Variants in BDNF observed in about 807,000 individuals in gnomAD.
BDNF encodes brain derived neurotrophic factor, also known as neurotrophic factor BDNF precursor form.
BDNF carries 1 observed loss-of-function variant against 19.5 expected under a neutral mutation model. The ratio of observed to expected loss-of-function variants is 0.05; its 90% confidence interval spans 0.02 to 0.24. BDNF has a LOEUF of 0.24. Ranked by LOEUF, BDNF falls within the 10% of genes least tolerant of loss-of-function variation. BDNF has a pLI of 1.00. For synonymous variants in BDNF, 100 were observed against 121.6 expected, an observed-to-expected ratio of 0.82 and a Z score of 1.17; for missense variants, 195 against 317.6, an observed-to-expected ratio of 0.61 and a Z score of 2.93.
chr11:27,699,504 G>T (rs1279263714), intron 1 of BDNF: 1 of 1,613,120 alleles, frequency 6.2e-7, no homozygotes, highest in Non-Finnish European at 8.5e-7. Context: ...TTCAGAAGAG[G>T]GGCGCAGGAT....
Position 27,657,570 on chromosome 11 carries a change from C to T in BDNF, c.*251G>A, listed in dbSNP as rs555245845. ...TTTTTATGTTTTCAGTTCTTGGCAA[C>T]GGCAACAAACCACAACATTATCAAG... On this transcript the variant is annotated 3_prime_UTR_variant, in exon 2 of 2. Coordinates refer to ENST00000356660, the MANE Select transcript of BDNF (RefSeq NM_001709.5). The surrounding 1 kb of genome is among the most constrained non-coding windows in gnomAD (Gnocchi z 5.0). The T allele has an allele frequency of 3.4e-5, 43 of 1,250,184 alleles. No individual in the cohort carries two copies. The highest frequency in any genetic ancestry group is 2.9e-4 in the South Asian group (11 of 38,550). 77.4% of individuals were successfully genotyped at this position (1,250,184 alleles called of 1,614,324 possible).
At chr11:27,668,681 GACAC>G (rs1409609718) in intron 1 of BDNF, among the ~76,000 whole-genome samples, 8 of 152,124 alleles carry the variant, frequency 5.3e-5, no homozygotes, top group Non-Finnish European at 1.0e-4. Flanking sequence ...TAAATTCCTG[GACAC>G]ACACACCCTC....
intron 1 of BDNF, among the ~76,000 whole-genome samples, chr11:27,664,660 G>A (rs1854023497): frequency 6.6e-6 from 1 of 152,170 alleles, no homozygotes; most frequent in African/African-American, 2.4e-5. Flanking sequence ...GTGCACACCT[G>A]TAGTTTCAGC....
chr11:27,705,801 T>C (rs1029753220), intron 1 of BDNF, among the ~76,000 whole-genome samples: 3 of 152,356 alleles, frequency 2.0e-5, no homozygotes, highest in East Asian at 1.9e-4. Flanking sequence ...TTTCACTTCA[T>C]AGTTACAGTC....
chr11:27,705,253 T>C (rs2134096726), upstream of BDNF, among the ~76,000 whole-genome samples: 1 of 152,332 alleles, frequency 6.6e-6, no homozygotes, highest in East Asian at 1.9e-4. Flanking sequence ...AAGTTAGAGC[T>C]GACAGTAATA....
At chr11:27,719,839 C>T (rs1374779023) in intron 1 of BDNF, 1 of 200,036 alleles carries the variant, frequency 5.0e-6, no homozygotes, top group Non-Finnish European at 8.9e-6. Context: ...GCTGAAATTA[C>T]CTTGATTCAT....
In BDNF at chr11:27,658,996, T is replaced by C; in HGVS notation, c.-21-411A>G. 1 of 1,093,904 alleles carries C rather than the reference T, an allele frequency of 9.1e-7. No homozygotes were observed. The highest frequency in any genetic ancestry group is 4.5e-4 in the Middle Eastern group (1 of 2,234). The allele number at this position is 1,093,904 out of a possible 1,614,324, so 67.8% of individuals were successfully genotyped here. A position where few individuals can be genotyped will look rare whatever the true frequency, so the allele number is the denominator to read the frequency against. On this transcript the variant is annotated intron_variant, in intron 1 of 1. Transcript: ENST00000356660. This position sits in a 1 kb window ranked among gnomAD's most constrained non-coding sequence, Gnocchi z 5.7. Reference sequence around the variant, plus strand: ...TGCAAGTGTAATTAATAGTAATTTTTTTCAAGTTAGCAACATGGTCCTTTG... The same window carrying C: ...TGCAAGTGTAATTAATAGTAATTTTCTTCAAGTTAGCAACATGGTCCTTTG...
intron 1 of BDNF, among the ~76,000 whole-genome samples, chr11:27,681,271 G>T (rs573321037): frequency 5.9e-5 from 9 of 152,280 alleles, no homozygotes; most frequent in Middle Eastern, 3.4e-3. Flanking sequence ...ACAGGCTGGG[G>T]CTGCCTCATG....
chr11:27,678,785 C>T (rs1856504676), intron 1 of BDNF, among the ~76,000 whole-genome samples: 1 of 152,068 alleles, frequency 6.6e-6, no homozygotes, highest in South Asian at 2.1e-4. Context: ...AATGAAAAAC[C>T]ATTCTTTAAA....
chr11:27,657,334 T>G lies in BDNF; in HGVS notation c.*487A>C, dbSNP rs1041353439. On this transcript the variant is annotated 3_prime_UTR_variant, in exon 2 of 2. Coordinates refer to ENST00000356660, the MANE Select transcript of BDNF (RefSeq NM_001709.5). The surrounding 1 kb of genome is among the most constrained non-coding windows in gnomAD (Gnocchi z 5.0). ...AGCAATGACAACAGCACCTTGACAT[T>G]GTTTTAATTCCAACGCTATCAGAAG... is the stretch of plus-strand genomic sequence containing the variant. The G allele has an allele frequency of 1.7e-5, 17 of 995,470 alleles. No individual in the cohort carries two copies. Among genetic ancestry groups the G allele is most frequent in the Non-Finnish European group, 2.0e-5 (17 of 835,652 alleles). The allele number at this position is 995,470 out of a possible 1,614,324, so 61.7% of individuals were successfully genotyped here. A position where few individuals can be genotyped will look rare whatever the true frequency, so the allele number is the denominator to read the frequency against.
chr11:27,669,510 A>G (rs1323119474), intron 1 of BDNF, among the ~76,000 whole-genome samples: 3 of 152,218 alleles, frequency 2.0e-5, no homozygotes, highest in Non-Finnish European at 4.4e-5. Context: ...AGAAAACCCC[A>G]TCATCTCAGC....
rs1852687359 is a variant in BDNF at position 27,657,236 on chromosome 11, A to G, written c.*585T>C. The G allele has an allele frequency of 1.0e-6, 1 of 986,118 alleles. No homozygotes were observed. Among genetic ancestry groups the G allele is most frequent in the Admixed American group, 6.0e-5 (1 of 16,662 alleles). The allele number at this position is 986,118 out of a possible 1,614,324, so 61.1% of individuals were successfully genotyped here. A position where few individuals can be genotyped will look rare whatever the true frequency, so the allele number is the denominator to read the frequency against. On this transcript the variant is annotated 3_prime_UTR_variant, in exon 2 of 2. Coordinates refer to ENST00000356660, the MANE Select transcript of BDNF (RefSeq NM_001709.5). The surrounding 1 kb of genome is among the most constrained non-coding windows in gnomAD (Gnocchi z 5.0). ...TACTCCCTGTGGGAACTAAAAAACA[A>G]AACAAACAAACGAAAAAAAAACACA...
rs547314136 is a variant in BDNF, at chr11:27,656,823, A to G, written c.*998T>C. On this transcript the variant is annotated 3_prime_UTR_variant, in exon 2 of 2. Coordinates refer to ENST00000356660, the MANE Select transcript of BDNF (RefSeq NM_001709.5). Reference sequence around the variant, plus strand: ...TTGTTTTCTGTTCTAAAAAAAAATCACTGTTCTCCATGCTTATACGAGTGT... The same window carrying G: ...TTGTTTTCTGTTCTAAAAAAAAATCGCTGTTCTCCATGCTTATACGAGTGT... 4.0e-5 allele frequency: 39 copies of G among 985,326 alleles called. No individual in the cohort carries two copies. Among genetic ancestry groups the G allele is most frequent in the Non-Finnish European group, 3.7e-5 (31 of 829,920 alleles). The allele number at this position is 985,326 out of a possible 1,614,324, so 61.0% of individuals were successfully genotyped here.
chr11:27,714,411 A>G (rs1287475029), intron 1 of BDNF, among the ~76,000 whole-genome samples: 1 of 152,200 alleles, frequency 6.6e-6, no homozygotes, highest in Non-Finnish European at 1.5e-5. Context: ...TTAAAAGGAA[A>G]TGACCTGAAA....
At chr11:27,719,865 G>A (rs1326854938) in intron 1 of BDNF, 1 of 174,814 alleles carries the variant, frequency 5.7e-6, no homozygotes, top group Non-Finnish European at 1.1e-5. Context: ...TGTGTTGGAG[G>A]TTTAGCTTTA....
At chr11:27,676,978 A>G (rs141114699) in intron 1 of BDNF, 60 of 152,352 alleles carry the variant, frequency 3.9e-4, no homozygotes, top group African/African-American at 1.4e-3. Flanking sequence ...ACTTTCTGCT[A>G]CAGGAAATTC....
At chr11:27,660,249 C>A (rs1853239522) in intron 1 of BDNF, 2 of 1,247,208 alleles carry the variant, frequency 1.6e-6, no homozygotes, top group African/African-American at 1.6e-5. Context: ...CATTTTCAAC[C>A]ACTAAGAGAC....
At chr11:27,712,892 G>C (rs1191222581) in intron 1 of BDNF, among the ~76,000 whole-genome samples, 1 of 148,654 alleles carries the variant, frequency 6.7e-6, no homozygotes, top group Non-Finnish European at 1.5e-5. Flanking sequence ...TGGCATGAAA[G>C]TCATTACAGT....
chr11:27,699,517 G>A, intron 1 of BDNF: 4 of 1,610,328 alleles, frequency 2.5e-6, no homozygotes, highest in Non-Finnish European at 2.5e-6. Context: ...CGCAGGATGG[G>A]TAGAGATGTG....
Sources: gnomAD v4.1 joint callset for allele counts (sites outside exome capture counted in the v4.1 genomes callset) on GRCh38, gnomAD v4.1.1 for gene constraint, Gnocchi (gnomAD v3.1) non-coding constraint, MANE v1.5 for transcripts, NCBI Gene and HGNC (gene_info 2026-07-23, HGNC 2026-07-21) for gene names.